Variants in KCNIP4 observed in about 807,000 individuals in gnomAD.
The protein encoded by KCNIP4 is Kv channel-interacting protein 4.
In KCNIP4, 12 loss-of-function variants were observed where a neutral mutation model predicts 34.0. The ratio of observed to expected loss-of-function variants is 0.35; its 90% CI spans 0.23 to 0.57. The LOEUF is 0.57. KCNIP4 is among the 20% of genes least tolerant of loss of function. The pLI, the probability that KCNIP4 is intolerant of heterozygous loss-of-function variation, is 0.83. For synonymous variants in KCNIP4, 124 were observed against 102.2 expected, an observed-to-expected ratio of 1.21 and a Z score of -1.29; for missense variants, 238 against 311.7, an observed-to-expected ratio of 0.76 and a Z score of 1.78.
intron 1 of KCNIP4, among the ~76,000 whole-genome samples, chr4:21,063,033 CT>C (rs1418288497): frequency 6.6e-6 from 1 of 152,016 alleles, no homozygotes; most frequent in Non-Finnish European, 1.5e-5. Context: ...AACTGATGTT[CT>C]TATAAAAAGG....
rs145523556 is a variant in KCNIP4 at position 21,078,534 on chromosome 4, T to C, written c.62-195825A>G. On this transcript the variant is annotated intron_variant, in intron 1 of 8. Transcript: ENST00000382152. ...GAGCACTAATTCCATTCATGAGGAC[T>C]CTACCCTCATGATCTAACTATCTCC... is the stretch of plus-strand genomic sequence containing the variant. 2.9e-4 allele frequency among the ~76,000 whole-genome samples: 44 copies of C among 152,130 alleles called. No homozygotes were observed. The East Asian group carries it at 8.2e-3, about 28-fold the overall frequency.
intron 1 of KCNIP4, among the ~76,000 whole-genome samples, chr4:21,268,144 A>G (rs1761931085): frequency 6.6e-6 from 1 of 152,236 alleles, no homozygotes; most frequent in South Asian, 2.1e-4. Flanking sequence ...ATAAAAGGTC[A>G]CTTTTAATGA....
chr4:21,865,928 C>CAT (rs10687424), intron 1 of KCNIP4, among the ~76,000 whole-genome samples: 52,569 of 148,850 alleles, frequency 0.35, 11,093 homozygotes, highest in East Asian at 0.64. Context: ...TATGGTGTCT[C>CAT]ATATATATAT....
At chr4:21,216,435 A>G (rs1157307112) in intron 1 of KCNIP4, among the ~76,000 whole-genome samples, 2 of 152,194 alleles carry the variant, frequency 1.3e-5, no homozygotes, top group African/African-American at 4.8e-5. Flanking sequence ...GGCTGAGTAA[A>G]TTTGTCATCT....
At chr4:21,083,265 C>G (rs1228995951) in intron 1 of KCNIP4, among the ~76,000 whole-genome samples, 4 of 151,736 alleles carry the variant, frequency 2.6e-5, no homozygotes, top group Non-Finnish European at 4.4e-5. Flanking sequence ...CTCTCTTCCT[C>G]TCTCTTTTTT....
At chr4:21,132,554 T>C (rs1182801814) in intron 1 of KCNIP4, among the ~76,000 whole-genome samples, 3 of 152,196 alleles carry the variant, frequency 2.0e-5, no homozygotes, top group Non-Finnish European at 4.4e-5. Context: ...AATAATTATA[T>C]GGTTTTCCTG....
intron 1 of KCNIP4, among the ~76,000 whole-genome samples, chr4:20,894,292 G>A (rs1357535947): frequency 2.0e-5 from 3 of 152,170 alleles, no homozygotes; most frequent in Non-Finnish European, 2.9e-5. Context: ...TTCTGATGGC[G>A]AGAGAACACA....
At chr4:20,988,244 T>G (rs540461966) in intron 1 of KCNIP4, among the ~76,000 whole-genome samples, 1 of 152,226 alleles carries the variant, frequency 6.6e-6, no homozygotes, top group Non-Finnish European at 1.5e-5. Context: ...TGAATGGTTC[T>G]TTAACTGGGG....
At chr4:21,448,364 G>A (rs1046577083) in intron 1 of KCNIP4, among the ~76,000 whole-genome samples, 11 of 152,204 alleles carry the variant, frequency 7.2e-5, no homozygotes, top group African/African-American at 2.2e-4. Flanking sequence ...TGAGAAACAT[G>A]TTACTGGAAA....
intron 1 of KCNIP4, among the ~76,000 whole-genome samples, chr4:21,348,501 T>C (rs1048729075): frequency 1.3e-5 from 2 of 152,150 alleles, no homozygotes; most frequent in African/African-American, 4.8e-5. Flanking sequence ...TTCATCTTGT[T>C]TGGGAGTTAG....
chr4:21,378,429 GCTCT>G (rs1379271859), intron 1 of KCNIP4, among the ~76,000 whole-genome samples: 3 of 152,084 alleles, frequency 2.0e-5, no homozygotes, highest in African/African-American at 7.2e-5. Flanking sequence ...ATGGAAATCT[GCTCT>G]CTATTTTTAG....
At chr4:20,982,927 A>C (rs959409502) in intron 1 of KCNIP4, among the ~76,000 whole-genome samples, 2 of 152,242 alleles carry the variant, frequency 1.3e-5, no homozygotes, top group Non-Finnish European at 2.9e-5. Flanking sequence ...TATCTCATGG[A>C]CGTCATTCTT....
intron 1 of KCNIP4, among the ~76,000 whole-genome samples, chr4:20,886,353 G>A (rs1327496681): frequency 6.6e-6 from 1 of 152,230 alleles, no homozygotes; most frequent in East Asian, 1.9e-4. Context: ...AAGTGGCAGA[G>A]ATTAGAGTTC....
chr4:21,608,608 T>C (rs1034549255), intron 1 of KCNIP4, among the ~76,000 whole-genome samples: 18 of 152,188 alleles, frequency 1.2e-4, no homozygotes, highest in Admixed American at 6.5e-5. Flanking sequence ...TCTCCCCATA[T>C]CGAGGTCCAT....
At chr4:20,799,088 A>C (rs1466819954) in intron 3 of KCNIP4, among the ~76,000 whole-genome samples, 2 of 152,146 alleles carry the variant, frequency 1.3e-5, no homozygotes, top group African/African-American at 4.8e-5. Context: ...CACACTCCAT[A>C]GTGTGCCATA....
chr4:21,212,037 G>A (rs1402194030), intron 1 of KCNIP4, among the ~76,000 whole-genome samples: 1 of 152,286 alleles, frequency 6.6e-6, no homozygotes, highest in East Asian at 1.9e-4. Flanking sequence ...CCTCTCAGAT[G>A]GCCCTGGCAG....
At chr4:21,911,516 T>G (rs1178860948) in intron 1 of KCNIP4, among the ~76,000 whole-genome samples, 39 of 138,500 alleles carry the variant, frequency 2.8e-4, no homozygotes, top group African/African-American at 9.7e-4. Flanking sequence ...GACTTTTTTT[T>G]TTTTTTTTTT....
At chr4:21,414,563 T>A (rs1017287379) in intron 1 of KCNIP4, among the ~76,000 whole-genome samples, 5 of 152,162 alleles carry the variant, frequency 3.3e-5, no homozygotes, top group Admixed American at 2.0e-4. Context: ...TACCATATGA[T>A]ACAGCAATTC....
intron 1 of KCNIP4, among the ~76,000 whole-genome samples, chr4:21,131,551 A>C (rs1349952991): frequency 6.6e-6 from 1 of 152,146 alleles, no homozygotes; most frequent in Non-Finnish European, 1.5e-5. Flanking sequence ...CGGAGCTTGC[A>C]GTGAGCCGAG....
Sources: allele counts gnomAD v4.1 joint callset (sites outside exome capture counted in the v4.1 genomes callset), GRCh38; gene constraint gnomAD v4.1.1; transcripts MANE v1.5; gene names NCBI Gene and HGNC (gene_info 2026-07-23, HGNC 2026-07-21).